Variants in PDZD2 observed in about 807,000 individuals in gnomAD.
PDZD2 encodes PDZ domain-containing protein 2.
A neutral mutation model predicts 220.7 loss-of-function variants in PDZD2; 90 were observed. That is an observed-to-expected ratio of 0.41 (90% CI 0.34 to 0.49). The LOEUF is 0.49. Among genes scored for constraint, PDZD2 ranks in the 20% least tolerant of loss-of-function variants. The pLI is 0.28. For synonymous variants in PDZD2, 1,375 were observed against 1,450.5 expected, an observed-to-expected ratio of 0.95 and a Z score of 1.18; for missense variants, 3,174 against 3,608.5, an observed-to-expected ratio of 0.88 and a Z score of 3.08.
chr5:31,857,862 T>C (rs1366476138), intron 2 of PDZD2, among the ~76,000 whole-genome samples: 2 of 152,148 alleles, frequency 1.3e-5, no homozygotes, highest in Non-Finnish European at 2.9e-5. Flanking sequence ...GGAGTCTCGT[T>C]GTCACCCAGG....
intron 2 of PDZD2, among the ~76,000 whole-genome samples, chr5:31,932,521 C>T (rs1745382840): frequency 6.6e-6 from 1 of 150,446 alleles, no homozygotes; most frequent in South Asian, 2.1e-4. Context: ...TGCACTCCAG[C>T]CTGGGCGACA....
At chr5:31,969,695 A>G (rs1749119245) in intron 2 of PDZD2, among the ~76,000 whole-genome samples, 1 of 151,956 alleles carries the variant, frequency 6.6e-6, no homozygotes, top group South Asian at 2.1e-4. Context: ...GGTGATGGTC[A>G]CACAACTTGG....
At chr5:31,863,912 C>T (rs1737955594) in intron 2 of PDZD2, among the ~76,000 whole-genome samples, 1 of 152,172 alleles carries the variant, frequency 6.6e-6, no homozygotes, top group Admixed American at 6.5e-5. Context: ...GTCCCAAATA[C>T]ATAACAGATA....
chr5:31,813,449 CAAAAAAAAAA>C (rs60551914), intron 2 of PDZD2, among the ~76,000 whole-genome samples: 15,907 of 94,320 alleles, frequency 0.17, 1,079 homozygotes, highest in Non-Finnish European at 0.2. Context: ...GACTCCGTCT[CAAAAAAAAAA>C]AAAAAAAAAA....
At chr5:31,943,775 G>A (rs912463147) in intron 2 of PDZD2, among the ~76,000 whole-genome samples, 4 of 152,150 alleles carry the variant, frequency 2.6e-5, no homozygotes, top group Non-Finnish European at 2.9e-5. Context: ...TTCCTTTTGC[G>A]CAGGATCTTT....
chr5:31,870,449 G>A (rs1187949763), intron 2 of PDZD2, among the ~76,000 whole-genome samples: 1 of 152,162 alleles, frequency 6.6e-6, no homozygotes, highest in Non-Finnish European at 1.5e-5. Context: ...TGGTTTGGAT[G>A]CTTTAGAGGT....
chr5:31,793,815 T>A lies in PDZD2; in HGVS notation c.-360-5074T>A, dbSNP rs200365853. Among the ~76,000 whole-genome samples, 15 of 152,150 alleles carry A rather than the reference T, an allele frequency of 9.9e-5. No homozygotes were observed. In the East Asian group the frequency reaches 2.7e-3, roughly 27 times the overall value. On this transcript the variant is annotated intron_variant, in intron 1 of 24. Coordinates refer to ENST00000438447, the MANE Select transcript of PDZD2 (RefSeq NM_178140.4). ...GAGTGAAACTGTCTCAAAAAATTTTTAAAAAGCTTTATATTGAAAGTTGAA... is the reference window on the plus strand; with the variant it reads ...GAGTGAAACTGTCTCAAAAAATTTTAAAAAAGCTTTATATTGAAAGTTGAA...
chr5:32,087,421 G>T lies in PDZD2; in HGVS notation c.3973G>T (p.Gly1325Ter). The T allele has an allele frequency of 1.2e-6, 2 of 1,614,112 alleles. No homozygotes were observed. The highest frequency in any genetic ancestry group is 1.7e-6 in the Non-Finnish European group (2 of 1,179,998). ...TACCAGGAGGGTGGCTGCCCTCAGG[G>T]GAGCGGGACCTGGAGCAGAGGGAAT... ...HNTRRVAALR[G>*]AGPGAEGMTP... The change falls in exon 20 of 25, where the codon GGA becomes TGA. Residue 1325 changes from glycine (G) to a stop codon, truncating the protein, a stop_gained. Coordinates refer to ENST00000438447, the MANE Select transcript of PDZD2 (RefSeq NM_178140.4). LOFTEE classifies it high-confidence loss of function. This position sits in a 1 kb window ranked among gnomAD's most constrained non-coding sequence, Gnocchi z 4.0.
Position 32,109,233 on chromosome 5 carries a change from T to C in PDZD2, c.*1098T>C, listed in dbSNP as rs1293549153. On this transcript the variant is annotated 3_prime_UTR_variant, in exon 25 of 25. Coordinates refer to ENST00000438447, the MANE Select transcript of PDZD2 (RefSeq NM_178140.4). ...GTTTTTTTCCCTCTTTCCCAACATG[T>C]TTAAGAAATGTAACATTCTAAGTAT... is the stretch of plus-strand genomic sequence containing the variant. The C allele has an allele frequency of 6.6e-6, 1 of 152,240 alleles. No individual in the cohort carries two copies. Among genetic ancestry groups the C allele is most frequent in the African/African-American group, 2.4e-5 (1 of 41,462 alleles). The allele number at this position is 152,240 out of a possible 1,614,324, so 9.4% of individuals were successfully genotyped here. A position where few individuals can be genotyped will look rare whatever the true frequency, so the allele number is the denominator to read the frequency against.
chr5:31,908,652 A>C, intron 2 of PDZD2: 1 of 1,161,828 alleles, frequency 8.6e-7, no homozygotes, highest in South Asian at 1.2e-5. Context: ...TATCAAAGAC[A>C]AACTTGAAGA....
chr5:31,755,179 G>C (rs1751236038), intron 1 of PDZD2, among the ~76,000 whole-genome samples: 1 of 149,794 alleles, frequency 6.7e-6, no homozygotes, highest in Admixed American at 6.8e-5. Flanking sequence ...AGAACTCGTG[G>C]TCTGGTTCCC....
chr5:31,829,754 A>C (rs1481167433), intron 2 of PDZD2, among the ~76,000 whole-genome samples: 1 of 152,150 alleles, frequency 6.6e-6, no homozygotes, highest in Non-Finnish European at 1.5e-5. Context: ...AATAGCTGTA[A>C]GAACTTTCCT....
chr5:31,667,943 C>A (rs1347878414), intron 1 of PDZD2, among the ~76,000 whole-genome samples: 1 of 145,376 alleles, frequency 6.9e-6, no homozygotes, highest in Non-Finnish European at 1.5e-5. Flanking sequence ...CTCACTGCAA[C>A]CTCCATCTCC....
At chr5:31,975,234 G>A (rs937724882) in intron 2 of PDZD2, among the ~76,000 whole-genome samples, 1 of 152,190 alleles carries the variant, frequency 6.6e-6, no homozygotes, top group African/African-American at 2.4e-5. Context: ...TGTGGCTGAG[G>A]AGGCCTCACA....
intron 4 of PDZD2, 90 bp downstream of exon 4, chr5:31,995,808 T>C: frequency 1.7e-6 from 2 of 1,195,606 alleles, no homozygotes; most frequent in Non-Finnish European, 2.4e-6. Flanking sequence ...TTCCACTTGT[T>C]CAAAGCCCTG....
chr5:31,877,798 TC>T (rs1303169038), intron 2 of PDZD2, among the ~76,000 whole-genome samples: 6 of 152,150 alleles, frequency 3.9e-5, no homozygotes, highest in Non-Finnish European at 7.4e-5. Flanking sequence ...CAAGTGATTA[TC>T]CTACCTCACC....
chr5:31,876,953 A>G (rs1208331773), intron 2 of PDZD2, among the ~76,000 whole-genome samples: 2 of 152,130 alleles, frequency 1.3e-5, no homozygotes, highest in Non-Finnish European at 1.5e-5. Flanking sequence ...GCATTTTCAC[A>G]TTTGCATGCC....
intron 1 of PDZD2, among the ~76,000 whole-genome samples, chr5:31,671,567 C>T (rs1394184326): frequency 1.3e-5 from 2 of 152,192 alleles, no homozygotes; most frequent in African/African-American, 2.4e-5. Context: ...GCCAGTCCCA[C>T]GGCCCCCCAC....
intron 2 of PDZD2, among the ~76,000 whole-genome samples, chr5:31,920,002 A>G (rs1320295881): frequency 6.6e-6 from 1 of 152,102 alleles, no homozygotes; most frequent in Non-Finnish European, 1.5e-5. Flanking sequence ...CCTGGGTGAC[A>G]GAGCAAGACC....
Sources: gnomAD v4.1 joint callset for allele counts (sites outside exome capture counted in the v4.1 genomes callset) on GRCh38, gnomAD v4.1.1 for gene constraint, Gnocchi (gnomAD v3.1) non-coding constraint, MANE v1.5 for transcripts, NCBI Gene and HGNC (gene_info 2026-07-23, HGNC 2026-07-21) for gene names.